SIK3: variants seen among roughly 807,000 people sequenced by gnomAD.
SIK3 encodes serine/threonine-protein kinase SIK3.
Under a neutral mutation model 144.2 loss-of-function variants are expected in SIK3, and 28 were observed. The ratio of observed to expected loss-of-function variants is 0.19; its 90% CI spans 0.14 to 0.27. The LOEUF is 0.27. Among genes scored for constraint, SIK3 ranks in the 10% least tolerant of loss-of-function variants. The pLI is 1.00. For synonymous variants in SIK3, 686 were observed against 676.3 expected, an observed-to-expected ratio of 1.01 and a Z score of -0.22; for missense variants, 1,319 against 1,776.0, an observed-to-expected ratio of 0.74 and a Z score of 4.62.
At chr11:116,944,810 T>C (rs1165895086) in intron 3 of SIK3, among the ~76,000 whole-genome samples, 1 of 152,068 alleles carries the variant, frequency 6.6e-6, no homozygotes, top group Non-Finnish European at 1.5e-5. Context: ...GACAGCAGAG[T>C]GAGGGGTGAT....
chr11:116,854,277 G>C (rs1026551133), intron 21 of SIK3, among the ~76,000 whole-genome samples: 1 of 152,222 alleles, frequency 6.6e-6, no homozygotes, highest in Admixed American at 6.5e-5. Flanking sequence ...TGGGAGGACT[G>C]CTTGAGCCCA....
At chr11:117,097,252 T>G (rs919787560) in intron 1 of SIK3, among the ~76,000 whole-genome samples, 1 of 152,026 alleles carries the variant, frequency 6.6e-6, no homozygotes, top group Non-Finnish European at 1.5e-5. Flanking sequence ...GCTCGATGAG[T>G]GTAATCTCCC....
chr11:117,095,192 TAAAAA>T lies in SIK3; in HGVS notation c.273+2946_273+2950del, dbSNP rs3057848. Among the ~76,000 whole-genome samples, 255 of 122,166 alleles carry T rather than the reference TAAAAA, an allele frequency of 2.1e-3. 3 individuals carry two copies. The highest frequency in any genetic ancestry group is 6.0e-3 in the South Asian group (23 of 3,848). The allele number at this position is 122,166 out of a possible 152,430, so 80.1% of individuals were successfully genotyped here. A position where few individuals can be genotyped will look rare whatever the true frequency, so the allele number is the denominator to read the frequency against. ...GTTCTTGGAATGGGTCATGTGTGTT[TAAAAA>T]AAAAAAAAAAAAAAAAAAGGAGGGG... On this transcript the variant is annotated intron_variant, in intron 1 of 24. Transcript: ENST00000445177.
chr11:116,972,531 T>G (rs909621651), intron 1 of SIK3, among the ~76,000 whole-genome samples: 1 of 152,190 alleles, frequency 6.6e-6, no homozygotes, highest in African/African-American at 2.4e-5. Context: ...GTACCCAATA[T>G]TTTTAAAAGT....
chr11:116,879,434 T>C (rs767404228), intron 6 of SIK3, among the ~76,000 whole-genome samples: 5 of 152,238 alleles, frequency 3.3e-5, no homozygotes, highest in Non-Finnish European at 5.9e-5. Flanking sequence ...AGTTAACATA[T>C]TCAACATGGC....
At chr11:116,946,550 G>C (rs1048568082) in intron 3 of SIK3, among the ~76,000 whole-genome samples, 4 of 152,142 alleles carry the variant, frequency 2.6e-5, no homozygotes. Flanking sequence ...ACAGATCTTT[G>C]AGCTGTGGAG....
Position 116,858,796 on chromosome 11 carries a change from A to G in SIK3, c.2766-97T>C. The G allele has an allele frequency of 6.8e-7, 1 of 1,477,692 alleles. No individual in the cohort carries two copies. Among genetic ancestry groups the G allele is most frequent in the South Asian group, 1.4e-5 (1 of 71,462 alleles). The allele number at this position is 1,477,692 out of a possible 1,614,324, so 91.5% of individuals were successfully genotyped here. On this transcript the variant is annotated intron_variant, in intron 20 of 24. Transcript: ENST00000445177. The surrounding 1 kb of genome is among the most constrained non-coding windows in gnomAD (Gnocchi z 5.4). ...CTCAGTAGGGAGAACCCACTGGTAC[A>G]GAGAACTGTGGTGTGACAGAGAAGT... is the stretch of plus-strand genomic sequence containing the variant.
At chr11:117,030,877 T>C (rs1952228630) in intron 1 of SIK3, among the ~76,000 whole-genome samples, 1 of 152,160 alleles carries the variant, frequency 6.6e-6, no homozygotes, top group Non-Finnish European at 1.5e-5. Context: ...CTCACTGTGG[T>C]TTTAATTTGC....
chr11:116,862,019 CTG>C, intron 17 of SIK3, 93 bp from the exon 18 acceptor site: 1 of 1,239,518 alleles, frequency 8.1e-7, no homozygotes, highest in African/African-American at 1.5e-5. Context: ...AAAGAACTAT[CTG>C]TGTCTCAGAT....
intron 2 of SIK3, 104 bp downstream of exon 2, chr11:116,956,843 CA>C (rs1185607616): frequency 2.9e-5 from 18 of 626,762 alleles, no homozygotes; most frequent in South Asian, 3.3e-5. Flanking sequence ...AACATAGAAA[CA>C]AAAAAAGTCA....
chr11:117,062,200 G>A (rs1953826048), intron 1 of SIK3, among the ~76,000 whole-genome samples: 1 of 152,010 alleles, frequency 6.6e-6, no homozygotes, highest in Non-Finnish European at 1.5e-5. Context: ...ACTCCACTGT[G>A]CCCGGCCTGC....
chr11:116,973,564 G>A (rs1470584311), intron 1 of SIK3, among the ~76,000 whole-genome samples: 2 of 152,160 alleles, frequency 1.3e-5, no homozygotes, highest in African/African-American at 4.8e-5. Context: ...AAAAGCATGT[G>A]CATCTAATGA....
intron 6 of SIK3, among the ~76,000 whole-genome samples, chr11:116,894,233 AGTT>A (rs1945278391): frequency 6.6e-6 from 1 of 152,154 alleles, no homozygotes; most frequent in Non-Finnish European, 1.5e-5. Flanking sequence ...TATGTTCCAG[AGTT>A]TAATTCATGG....
In SIK3 at chr11:116,922,499, G is replaced by C. The variant is rs189318002; in HGVS notation, c.616+4720C>G. On this transcript the variant is annotated intron_variant, in intron 4 of 24. Coordinates refer to ENST00000445177, the MANE Select transcript of SIK3 (RefSeq NM_001366686.3). ...TAACCCAGTTTCTTAAAAAAGAAGG[G>C]GGAAGGGGCGGGCATGGTGGCTCAC... 4.3e-3 allele frequency among the ~76,000 whole-genome samples: 655 copies of C among 151,974 alleles called. 5 individuals carry two copies. Among genetic ancestry groups the C allele is most frequent in the Middle Eastern group, 0.021 (6 of 292 alleles).
At chr11:116,902,774 A>G (rs1304054240) in intron 4 of SIK3, among the ~76,000 whole-genome samples, 24 of 152,184 alleles carry the variant, frequency 1.6e-4, no homozygotes, top group Admixed American at 1.6e-3. Flanking sequence ...ATTCAAGCAA[A>G]ATCTTGCTAT....
At chr11:117,061,712 T>C (rs6589589) in intron 1 of SIK3, among the ~76,000 whole-genome samples, 130,268 of 152,106 alleles carry the variant, frequency 0.86, 56,438 homozygotes, top group African/African-American at 0.9. Context: ...CCTCAGGTAA[T>C]TGCTGTGCAT....
At chr11:117,080,890 G>A (rs557390551) in intron 1 of SIK3, among the ~76,000 whole-genome samples, 2 of 152,302 alleles carry the variant, frequency 1.3e-5, no homozygotes, top group East Asian at 3.9e-4. Flanking sequence ...AGAAGTTGCA[G>A]TGAGCCAAGA....
At position 116,919,690 on chromosome 11, in the gene SIK3, G is replaced by A. The variant is rs527251958; in HGVS notation, c.616+7529C>T. Reference sequence around the variant, plus strand: ...TTGCTACTTAATCTTTGGGGACAAGGACATTAAAATTACTTTCGAATAGCA... The same window carrying A: ...TTGCTACTTAATCTTTGGGGACAAGAACATTAAAATTACTTTCGAATAGCA... On this transcript the variant is annotated intron_variant, in intron 4 of 24. Transcript: ENST00000445177. Among the ~76,000 whole-genome samples, 4 of 152,230 alleles carry A rather than the reference G, an allele frequency of 2.6e-5. No homozygotes were observed. The East Asian group carries it at 7.7e-4, about 29-fold the overall frequency.
chr11:116,880,892 G>A (rs1370175136), intron 6 of SIK3, among the ~76,000 whole-genome samples: 3 of 152,168 alleles, frequency 2.0e-5, no homozygotes, highest in Non-Finnish European at 4.4e-5. Context: ...GGGAAGCTGA[G>A]GTGGGCAGAT....
Sources: gnomAD v4.1 joint callset for allele counts (sites outside exome capture counted in the v4.1 genomes callset) on GRCh38, gnomAD v4.1.1 for gene constraint, Gnocchi (gnomAD v3.1) non-coding constraint, MANE v1.5 for transcripts, NCBI Gene and HGNC (gene_info 2026-07-23, HGNC 2026-07-21) for gene names.